The following CLMN variants were observed in gnomAD, a reference collection of about 807,000 sequenced individuals.
CLMN encodes the protein calmin, also known as calmin (calponin-like, transmembrane).
CLMN carries 57 observed loss-of-function variants against 92.7 expected under a neutral mutation model. The ratio of observed to expected loss-of-function variants is 0.61; its 90% CI spans 0.50 to 0.77. CLMN has a LOEUF of 0.77. CLMN is among the 30% of genes least tolerant of loss of function. The pLI, the probability that CLMN is intolerant of heterozygous loss-of-function variation, is 0.00. For synonymous variants in CLMN, 466 were observed against 470.6 expected (o/e 0.99, Z 0.13); for missense variants, 1,158 against 1,237.5 (o/e 0.94, Z 0.96).
At chr14:95,309,641 C>T (rs576732148) in intron 1 of CLMN, among the ~76,000 whole-genome samples, 3 of 152,348 alleles carry the variant, frequency 2.0e-5, no homozygotes, top group Middle Eastern at 3.4e-3. Flanking sequence ...GAAGCCTCCC[C>T]GAGTTCTCCA....
chr14:95,210,194 A>G lies in CLMN; in HGVS notation c.802+492T>C, dbSNP rs1897157210. ...CAGTCTCCCGAGTAGCTGGGATTAC[A>G]GACTGCGCCACCACGCCCAGCTAAT... On this transcript the variant is annotated intron_variant, in intron 7 of 12. Transcript: ENST00000298912. Among the ~76,000 whole-genome samples the G allele has an allele frequency of 1.3e-5, 2 of 152,180 alleles. 1 individual carries two copies. Among genetic ancestry groups the G allele is most frequent in the African/African-American group, 4.8e-5 (2 of 41,438 alleles).
At chr14:95,220,564 T>C (rs1897503926) in intron 4 of CLMN, among the ~76,000 whole-genome samples, 1 of 152,180 alleles carries the variant, frequency 6.6e-6, no homozygotes, top group Non-Finnish European at 1.5e-5. Context: ...TGTGCTGCCA[T>C]GAACTGTAAT....
At position 95,319,648 on chromosome 14, in the gene CLMN, C is replaced by G. The variant is rs111361865; in HGVS notation, c.82+63G>C. ...GCGGCGCGGGGGAGTTGCCAAGTGT[C>G]GGAGCGGCGCCCCGGGCCCCCCGAG... On this transcript the variant is annotated intron_variant, in intron 1 of 12. Transcript: ENST00000298912. 202 of 1,371,366 alleles carry G rather than the reference C, an allele frequency of 1.5e-4. No individual in the cohort carries two copies. In the Admixed American group the frequency reaches 1.9e-3, roughly 13 times the overall value. The allele number at this position is 1,371,366 out of a possible 1,614,324, so 84.9% of individuals were successfully genotyped here.
intron 1 of CLMN, among the ~76,000 whole-genome samples, chr14:95,237,293 C>T (rs1010476748): frequency 6.6e-6 from 1 of 152,254 alleles, no homozygotes; most frequent in East Asian, 1.9e-4. Context: ...CAAAGCCAAG[C>T]GCCTTTAGAC....
At chr14:95,266,321 C>T (rs1349819697) in intron 1 of CLMN, among the ~76,000 whole-genome samples, 3 of 152,040 alleles carry the variant, frequency 2.0e-5, no homozygotes, top group Non-Finnish European at 1.5e-5. Flanking sequence ...AAAGACTCCA[C>T]CAAAAAATGT....
chr14:95,209,983 C>T (rs1024783212), intron 7 of CLMN, among the ~76,000 whole-genome samples: 3 of 152,086 alleles, frequency 2.0e-5, no homozygotes, highest in African/African-American at 4.8e-5. Flanking sequence ...ATGTTCACTG[C>T]GGTGTTGTTA....
rs139437959 is a variant in CLMN, at chr14:95,317,715, A to C, written c.82+1996T>G. On this transcript the variant is annotated intron_variant, in intron 1 of 12. Coordinates refer to ENST00000298912, the MANE Select transcript of CLMN (RefSeq NM_024734.4). ...TTTGCTCCCTTGGTGGTCAGGGGGC[A>C]GTGTTATTGGCTGAGAAAGAAGATG... Among the ~76,000 whole-genome samples, 489 of 152,242 alleles carry C rather than the reference A, an allele frequency of 3.2e-3. 3 individuals carry two copies. The highest frequency in any genetic ancestry group is 0.015 in the East Asian group (78 of 5,190).
intron 9 of CLMN, among the ~76,000 whole-genome samples, chr14:95,198,478 C>T (rs545991910): frequency 2.0e-5 from 3 of 152,268 alleles, no homozygotes; most frequent in South Asian, 2.1e-4. Flanking sequence ...CCTCCCCCTA[C>T]GCTCACCCAC....
intron 1 of CLMN, among the ~76,000 whole-genome samples, chr14:95,258,320 GTGTGTA>G (rs1899092608): frequency 6.6e-6 from 1 of 150,834 alleles, no homozygotes; most frequent in Non-Finnish European, 1.5e-5. Flanking sequence ...TGTGTGGGGT[GTGTGTA>G]TGTGTATGTG....
intron 1 of CLMN, among the ~76,000 whole-genome samples, chr14:95,262,701 G>A (rs1257687933): frequency 6.6e-6 from 1 of 152,026 alleles, no homozygotes; most frequent in African/African-American, 2.4e-5. Context: ...CGAGTAGCTG[G>A]GACTACAGGT....
chr14:95,310,018 C>A (rs118144049), intron 1 of CLMN, among the ~76,000 whole-genome samples: 100 of 152,300 alleles, frequency 6.6e-4, no homozygotes, highest in Non-Finnish European at 1.2e-3. Flanking sequence ...CTTCCCTTTT[C>A]TGGCTTGTAG....
chr14:95,314,377 T>C (rs1566928325), intron 1 of CLMN, among the ~76,000 whole-genome samples: 1 of 152,020 alleles, frequency 6.6e-6, no homozygotes. Context: ...GAATCTAGGA[T>C]GCAGCCAGCA....
Position 95,297,320 on chromosome 14 carries a change from G to A in CLMN, c.82+22391C>T, listed in dbSNP as rs753650921. On this transcript the variant is annotated intron_variant, in intron 1 of 12. Coordinates refer to ENST00000298912, the MANE Select transcript of CLMN (RefSeq NM_024734.4). ...AGTGTCATTAAAAAACTGTGATAAG[G>A]AGATTCCCAGCTCGCTAGTGGTCTC... 5.6e-4 allele frequency among the ~76,000 whole-genome samples: 85 copies of A among 152,160 alleles called. 1 individual carries two copies. Among genetic ancestry groups the A allele is most frequent in the Admixed American group, 1.3e-4 (2 of 15,266 alleles).
intron 9 of CLMN, among the ~76,000 whole-genome samples, chr14:95,199,736 C>T (rs1187623): frequency 1.3e-5 from 2 of 151,600 alleles, no homozygotes; most frequent in Admixed American, 6.6e-5. Context: ...GGGAGGAGGT[C>T]GGAGGGCTTC....
intron 1 of CLMN, among the ~76,000 whole-genome samples, chr14:95,302,530 A>G (rs1389538246): frequency 6.6e-6 from 1 of 152,232 alleles, no homozygotes; most frequent in Non-Finnish European, 1.5e-5. Flanking sequence ...TATCCAAAGT[A>G]TTATCATTTC....
chr14:95,303,870 C>A (rs1278306278), intron 1 of CLMN, among the ~76,000 whole-genome samples: 1 of 152,198 alleles, frequency 6.6e-6, no homozygotes, highest in Admixed American at 6.5e-5. Flanking sequence ...TAATTTTAGT[C>A]CATCTCCCAA....
intron 1 of CLMN, among the ~76,000 whole-genome samples, chr14:95,310,997 C>A (rs1315387771): frequency 6.6e-6 from 1 of 152,170 alleles, no homozygotes; most frequent in Non-Finnish European, 1.5e-5. Context: ...AGGGCCGGAG[C>A]AGGACGGGCA....
chr14:95,317,599 G>GA (rs371392935), intron 1 of CLMN, among the ~76,000 whole-genome samples: 4,927 of 131,490 alleles, frequency 0.037, 115 homozygotes, highest in Non-Finnish European at 0.051. Flanking sequence ...ACAATGCTGG[G>GA]AAAAAAAAAA....
chr14:95,195,035 G>A (rs373975890), intron 10 of CLMN, among the ~76,000 whole-genome samples: 12 of 152,120 alleles, frequency 7.9e-5, no homozygotes, highest in African/African-American at 1.4e-4. Context: ...TGCTTGCCTC[G>A]CACTTTTCAC....
Sources: allele counts gnomAD v4.1 joint callset (sites outside exome capture counted in the v4.1 genomes callset), GRCh38; gene constraint gnomAD v4.1.1; transcripts MANE v1.5; gene names NCBI Gene and HGNC (gene_info 2026-07-23, HGNC 2026-07-21).